ANKZF1: variants seen among roughly 807,000 people sequenced by gnomAD.
The protein encoded by ANKZF1 is tRNA endonuclease ANKZF1.
Under a neutral mutation model 86.0 loss-of-function variants are expected in ANKZF1, and 84 were observed. The ratio of observed to expected loss-of-function variants is 0.98; its 90% CI spans 0.82 to 1.17. The LOEUF is 1.17. ANKZF1 is among the 50% of genes most tolerant of loss of function. ANKZF1 has a pLI of 0.00. For missense variants in ANKZF1, 893 were observed against 918.4 expected (o/e 0.97, Z 0.36); for synonymous variants, 331 against 354.2 (o/e 0.93, Z 0.74).
chr2:219,233,101 T>G lies in ANKZF1; in HGVS notation c.581T>G (p.Leu194Arg). The G allele has an allele frequency of 6.2e-7, 1 of 1,614,022 alleles. No individual in the cohort carries two copies. Among genetic ancestry groups the G allele is most frequent in the Non-Finnish European group, 8.5e-7 (1 of 1,179,978 alleles). ...PHQDPPEEAE[L>R]LLQNLQSRGP... The stretch of plus-strand genomic sequence containing the variant: ...AAGGATCCCCCAGAAGAGGCAGAAC[T>G]GCTGCTACAGAACCTGCAAAGTAGA... The change falls in exon 6 of 14, where the codon CTG (leucine) becomes CGG (arginine). Residue 194 changes from leucine (L) to arginine (R), a missense_variant. Leu to Arg is a moderately radical substitution (Grantham distance 102). Coordinates refer to ENST00000323348, the MANE Select transcript of ANKZF1 (RefSeq NM_018089.3).
rs1437456427 is a variant in ANKZF1 at position 219,235,539 on chromosome 2, G to C, written c.1757G>C (p.Arg586Thr). The C allele has an allele frequency of 6.2e-7, 1 of 1,613,924 alleles. No individual in the cohort carries two copies. Among genetic ancestry groups the C allele is most frequent in the Non-Finnish European group, 8.5e-7 (1 of 1,180,022 alleles). The change falls in exon 11 of 14, where the codon AGG becomes ACG. Residue 586 changes from arginine (R) to threonine (T), a missense_variant. By Grantham distance (71) the Arg-to-Thr change is moderately conservative (BLOSUM62 -1). Transcript: ENST00000323348. ...ADKSTRNEFR[R>T]FMEKNPDAYD... Reference sequence around the variant, plus strand: ...AAATCAACACGTAATGAGTTCCGAAGGTTCATGGAGAAGAATCCAGATGCC... The same window carrying C: ...AAATCAACACGTAATGAGTTCCGAACGTTCATGGAGAAGAATCCAGATGCC...
Position 219,232,685 on chromosome 2 carries a change from C to T in ANKZF1, c.558+2C>T, listed in dbSNP as rs1951079505. On this transcript the variant is annotated splice_donor_variant, in intron 5 of 13. Transcript: ENST00000323348. LOFTEE classifies it low-confidence loss of function (GC_TO_GT_DONOR). ...CGCTGTGTCCTAGGCCCTCATCAGG[C>T]AAGTGACAGTACAGGTTGCATGGCT... 6.2e-7 allele frequency: 1 copy of T among 1,613,236 alleles called. No individual in the cohort carries two copies. The highest frequency in any genetic ancestry group is 1.7e-5 in the Admixed American group (1 of 59,950).
intron 2 of ANKZF1, chr2:219,230,676 C>T: frequency 3.0e-6 from 1 of 334,238 alleles, no homozygotes; most frequent in East Asian, 5.0e-5. Flanking sequence ...AGATGTATTC[C>T]ACATTTAACC....
At chr2:219,233,624 AC>A in intron 7 of ANKZF1, 90 bp from the exon 8 acceptor site, 3 of 1,449,060 alleles carry the variant, frequency 2.1e-6, no homozygotes, top group Non-Finnish European at 2.8e-6. Flanking sequence ...TCTACTTTCC[AC>A]CCCTTGCACT....
rs1486764842 is a variant in ANKZF1, at chr2:219,232,279, A to C, written c.281A>C (p.Asp94Ala). The change falls in exon 4 of 14, where the codon GAC becomes GCC. Residue 94 changes from aspartate to alanine, a missense_variant. By Grantham distance (126) the Asp-to-Ala change is moderately radical (BLOSUM62 -2). Transcript: ENST00000323348. ...HQEQREHYKL[D>A]WHRFNLKQRL... Reference sequence around the variant, plus strand: ...TACTAGAGGGAACATTATAAGCTTGACTGGCATCGGTTTAACCTAAAGCAA... The same window carrying C: ...TACTAGAGGGAACATTATAAGCTTGCCTGGCATCGGTTTAACCTAAAGCAA... 1.2e-6 allele frequency: 2 copies of C among 1,614,056 alleles called. No individual in the cohort carries two copies. Among genetic ancestry groups the C allele is most frequent in the African/African-American group, 2.7e-5 (2 of 74,906 alleles).
In ANKZF1 at chr2:219,229,875, GAGCCGCTC is replaced by G. The variant is rs145887981; in HGVS notation, c.-52_-45del. 807 of 185,052 alleles carry G rather than the reference GAGCCGCTC, an allele frequency of 4.4e-3. 7 individuals carry two copies. Among genetic ancestry groups the G allele is most frequent in the African/African-American group, 0.017 (707 of 42,298 alleles). 11.5% of individuals were successfully genotyped at this position (185,052 alleles called of 1,614,324 possible). ...TCCGGCAATCGACCTGAGGACTTGC[GAGCCGCTC>G]AGCTCCCGGGACGTTTGGTGCGTCT... On this transcript the variant is annotated 5_prime_UTR_variant, in exon 1 of 14. Transcript: ENST00000323348. The surrounding 1 kb of genome is among the most constrained non-coding windows in gnomAD (Gnocchi z 4.2).
chr2:219,235,240 A>G lies in ANKZF1; in HGVS notation c.1619A>G (p.His540Arg), dbSNP rs574591851. 1 of 1,613,322 alleles carries G rather than the reference A, an allele frequency of 6.2e-7. No homozygotes were observed. The highest frequency in any genetic ancestry group is 8.5e-7 in the Non-Finnish European group (1 of 1,180,046). ...GGCTCCGGTGGCTTTACTCTCCTGC[A>G]TGCAGCAGCTGCAGCTGGAAGAGGC... ...PLGSGGFTLL[H>R]AAAAAGRGSV... Residue 540 changes from histidine to arginine, a missense_variant, in exon 10 of 14, where the codon CAT becomes CGT. His to Arg is a conservative substitution (Grantham distance 29). Transcript: ENST00000323348.
chr2:219,231,721 C>T (rs1056432280), intron 2 of ANKZF1: 6 of 513,794 alleles, frequency 1.2e-5, no homozygotes, highest in East Asian at 3.4e-5. Context: ...ATTCATTTTA[C>T]GTACATGTTT....
chr2:219,235,154 G>A lies in ANKZF1; in HGVS notation c.1533G>A (p.Lys511=). ...GAGCTGGAGATGTTGGAGTGCTAAA[G>A]CTGCAGCTAGCTCCCAGCCCTGCAG... ...ACRAGDVGVL[K]LQLAPSPADP... is the part of the protein sequence containing the mutation. The change falls in exon 10 of 14, where the codon AAG becomes AAA. Residue 511 remains lysine, a synonymous_variant. Transcript: ENST00000323348. The A allele has an allele frequency of 6.2e-7, 1 of 1,614,186 alleles. No individual in the cohort carries two copies.
intron 2 of ANKZF1, chr2:219,230,675 C>A: frequency 6.0e-6 from 2 of 334,600 alleles, no homozygotes; most frequent in Non-Finnish European, 1.1e-5. Context: ...CAGATGTATT[C>A]CACATTTAAC....
At chr2:219,234,002 C>T (rs558328781) in intron 8 of ANKZF1, 59 bp downstream of exon 8, 6 of 1,529,112 alleles carry the variant, frequency 3.9e-6, no homozygotes, top group Non-Finnish European at 5.3e-6. Flanking sequence ...CAACCTAAGC[C>T]TCCATTCTCA....
rs370478327 is a variant in ANKZF1 at position 219,233,722 on chromosome 2, G to T, written c.827G>T (p.Arg276Leu). The T allele has an allele frequency of 6.2e-7, 1 of 1,612,298 alleles. No homozygotes were observed. ...YNEATLYKDV[R>L]DLLAGPSWAK... ...AGTTACTCTCTTCTCTAGGATGTTCGTGACCTGCTGGCAGGGCCAAGCTGG... is the reference window on the plus strand; with the variant it reads ...AGTTACTCTCTTCTCTAGGATGTTCTTGACCTGCTGGCAGGGCCAAGCTGG... Residue 276 changes from arginine (R) to leucine (L), a missense_variant, in exon 8 of 14, where the codon CGT becomes CTT. By Grantham distance (102) the Arg-to-Leu change is moderately radical. Coordinates refer to ENST00000323348, the MANE Select transcript of ANKZF1 (RefSeq NM_018089.3).
chr2:219,230,591 G>A (rs943246354), intron 2 of ANKZF1, 186 bp downstream of exon 2: 35 of 673,960 alleles, frequency 5.2e-5, no homozygotes, highest in Non-Finnish European at 6.9e-5. Flanking sequence ...AAGTCTTTTT[G>A]CCATTGCATG....
chr2:219,236,446 T>C lies in ANKZF1; in HGVS notation c.*1T>C. The stretch of plus-strand genomic sequence containing the variant: ...TCAGGCAGGGAGGCCCTCTTCCTGA[T>C]CTCTTACAGCTCTACCTGGGGCCAA... On this transcript the variant is annotated 3_prime_UTR_variant, in exon 14 of 14. Transcript: ENST00000323348. 1 of 1,598,044 alleles carries C rather than the reference T, an allele frequency of 6.3e-7. No individual in the cohort carries two copies. The highest frequency in any genetic ancestry group is 8.5e-7 in the Non-Finnish European group (1 of 1,171,286).
At chr2:219,233,989 CT>C in intron 8 of ANKZF1, 46 bp downstream of exon 8, 2 of 1,534,190 alleles carry the variant, frequency 1.3e-6, no homozygotes, top group Non-Finnish European at 8.7e-7. Flanking sequence ...TTCCTGTTCT[CT>C]CCAACCTAAG....
At chr2:219,233,561 A>G in intron 7 of ANKZF1, 128 bp downstream of exon 7, 1 of 1,407,256 alleles carries the variant, frequency 7.1e-7, no homozygotes. Flanking sequence ...AGACAAAGGT[A>G]GATGAGGGAT....
Position 219,234,121 on chromosome 2 carries a change from CTTTTA to C in ANKZF1, c.1049-10_1049-6del. The C allele has an allele frequency of 6.2e-7, 1 of 1,604,180 alleles. No homozygotes were observed. The highest frequency in any genetic ancestry group is 2.2e-5 in the East Asian group (1 of 44,830). On this transcript the variant is annotated splice_polypyrimidine_tract_variant and splice_region_variant and intron_variant, in intron 8 of 13. Transcript: ENST00000323348. ...CAGCTAAGGTTGAGAAAGATCTTTT[CTTTTA>C]TGGCAGAAGAAGACCCTCGGGAAGC...
rs368083607 is a variant in ANKZF1 at position 219,235,636 on chromosome 2, G to A, written c.1803+51G>A. The A allele has an allele frequency of 5.6e-6, 9 of 1,611,938 alleles. No homozygotes were observed. The African/African-American group carries it at 9.4e-5, about 17-fold the overall frequency. On this transcript the variant is annotated intron_variant, in intron 11 of 13. Coordinates refer to ENST00000323348, the MANE Select transcript of ANKZF1 (RefSeq NM_018089.3). ...AGAGTGGGAAGGCATCACAGATCCT[G>A]GCTAGATCCTTTCTACTTCTTGCAG...
rs1456145888 is a variant in ANKZF1 at position 219,233,726 on chromosome 2, C to T, written c.831C>T (p.Asp277=). 6.2e-7 allele frequency: 1 copy of T among 1,612,608 alleles called. No individual in the cohort carries two copies. Residue 277 remains aspartate, a synonymous_variant, in exon 8 of 14, where the codon GAC becomes GAT. Coordinates refer to ENST00000323348, the MANE Select transcript of ANKZF1 (RefSeq NM_018089.3). Reference sequence around the variant, plus strand: ...ACTCTCTTCTCTAGGATGTTCGTGACCTGCTGGCAGGGCCAAGCTGGGCTA... The same window carrying T: ...ACTCTCTTCTCTAGGATGTTCGTGATCTGCTGGCAGGGCCAAGCTGGGCTA... ...NEATLYKDVR[D]LLAGPSWAKA...
Sources: allele counts gnomAD v4.1 joint callset, GRCh38; gene constraint gnomAD v4.1.1; non-coding constraint Gnocchi (gnomAD v3.1); transcripts MANE v1.5; gene names NCBI Gene and HGNC (gene_info 2026-07-23, HGNC 2026-07-21).